Variants in GLI3 observed in about 807,000 individuals in gnomAD.
GLI3 encodes GLI family zinc finger 3.
In GLI3, 20 loss-of-function variants were observed where a neutral mutation model predicts 100.8. That is an observed-to-expected ratio of 0.20 (90% CI 0.14 to 0.29). The LOEUF (loss-of-function observed/expected upper bound fraction) is 0.29, where lower values mean the gene tolerates loss of function less well. GLI3 is among the 10% of genes least tolerant of loss of function. The pLI is 1.00. For missense variants in GLI3, 2,040 were observed against 2,128.5 expected, an observed-to-expected ratio of 0.96 and a Z score of 0.82; for synonymous variants, 938 against 860.5, an observed-to-expected ratio of 1.09 and a Z score of -1.58.
chr7:42,154,082 C>T (rs1001395250), intron 2 of GLI3, among the ~76,000 whole-genome samples: 1 of 150,542 alleles, frequency 6.6e-6, no homozygotes, highest in Non-Finnish European at 1.5e-5. Context: ...ACTACTACCA[C>T]CAGTAAAAAG....
intron 10 of GLI3, among the ~76,000 whole-genome samples, chr7:42,007,157 C>T (rs368356675): frequency 2.0e-5 from 3 of 149,214 alleles, no homozygotes; most frequent in East Asian, 4.0e-4. Flanking sequence ...TATCTTAGCT[C>T]CACCCAGAAC....
intron 11 of GLI3, 164 bp from the exon 12 acceptor site, chr7:41,977,886 T>C: frequency 1.5e-6 from 1 of 682,130 alleles, no homozygotes; most frequent in Non-Finnish European, 2.6e-6. Flanking sequence ...GGGATTCAGA[T>C]GTAGCTTGGT....
chr7:42,255,778 T>A (rs951630542), intron 1 of GLI3, among the ~76,000 whole-genome samples: 1 of 152,234 alleles, frequency 6.6e-6, no homozygotes, highest in Non-Finnish European at 1.5e-5. Flanking sequence ...GACAGTCATA[T>A]AAGTGGCTTT....
chr7:42,026,452 C>T (rs180850589), intron 7 of GLI3, 40 bp from the exon 8 acceptor site: 18 of 1,454,416 alleles, frequency 1.2e-5, no homozygotes, highest in East Asian at 6.8e-5. Context: ...ATCACTTAAA[C>T]GCTGAGCTCA....
chr7:42,069,596 T>C (rs1784746001), intron 4 of GLI3, among the ~76,000 whole-genome samples: 1 of 152,048 alleles, frequency 6.6e-6, no homozygotes, highest in South Asian at 2.1e-4. Context: ...TAGAAAAGCA[T>C]AAAAGTAGAA....
chr7:42,228,284 G>C (rs566896976), intron 1 of GLI3, among the ~76,000 whole-genome samples: 32 of 152,322 alleles, frequency 2.1e-4, no homozygotes, highest in African/African-American at 6.5e-4. Flanking sequence ...GGGGCAGAAG[G>C]GGTGCTCCCA....
At chr7:42,087,454 C>T (rs577522728) in intron 3 of GLI3, among the ~76,000 whole-genome samples, 70 of 152,300 alleles carry the variant, frequency 4.6e-4, no homozygotes, top group Non-Finnish European at 8.5e-4. Flanking sequence ...AGTAAACTCA[C>T]CACCCTACCC....
At chr7:42,121,378 T>C (rs750899298) in intron 3 of GLI3, among the ~76,000 whole-genome samples, 4 of 152,228 alleles carry the variant, frequency 2.6e-5, no homozygotes, top group African/African-American at 4.8e-5. Flanking sequence ...GGACCACATG[T>C]TGATAAATGC....
intron 3 of GLI3, among the ~76,000 whole-genome samples, chr7:42,109,273 A>C (rs1785647442): frequency 6.6e-6 from 1 of 152,216 alleles, no homozygotes; most frequent in African/African-American, 2.4e-5. Flanking sequence ...GGTTCATCAC[A>C]GTCACTACAG....
chr7:42,230,847 G>T (rs947623823), intron 1 of GLI3, among the ~76,000 whole-genome samples: 1 of 152,150 alleles, frequency 6.6e-6, no homozygotes, highest in African/African-American at 2.4e-5. Flanking sequence ...CTTTCTACGG[G>T]GTTAGCTGGA....
intron 2 of GLI3, among the ~76,000 whole-genome samples, chr7:42,218,977 T>TA (rs1467941369): frequency 2.0e-5 from 3 of 152,166 alleles, no homozygotes; most frequent in Non-Finnish European, 2.9e-5. Context: ...AAAAATTTTA[T>TA]AAGAGAATGA....
At chr7:42,040,682 G>GAA (rs1336933082) in intron 6 of GLI3, among the ~76,000 whole-genome samples, 24 of 152,204 alleles carry the variant, frequency 1.6e-4, no homozygotes, top group African/African-American at 5.8e-4. Flanking sequence ...ATGAATTAAA[G>GAA]TATCCTAAGA....
chr7:42,172,892 T>G (rs939955826), intron 2 of GLI3, among the ~76,000 whole-genome samples: 1 of 152,338 alleles, frequency 6.6e-6, no homozygotes, highest in Non-Finnish European at 1.5e-5. Context: ...TTTACAATTA[T>G]GAAAACAGAC....
rs537451390 is a variant in GLI3 at position 42,186,731 on chromosome 7, G to C, written c.124+36399C>G. The stretch of plus-strand genomic sequence containing the variant: ...TCATCTTTGAAAATAATATATCCTA[G>C]ATCTAAATGCCTGAATTTTCAGTTA... On this transcript the variant is annotated intron_variant, in intron 2 of 14. Transcript: ENST00000395925. Among the ~76,000 whole-genome samples the C allele has an allele frequency of 1.6e-3, 243 of 152,298 alleles. 1 individual carries two copies. The highest frequency in any genetic ancestry group is 2.5e-3 in the Non-Finnish European group (173 of 68,022).
chr7:42,045,985 A>G (rs1208246168), intron 5 of GLI3, among the ~76,000 whole-genome samples: 1 of 152,226 alleles, frequency 6.6e-6, no homozygotes, highest in Non-Finnish European at 1.5e-5. Context: ...TCTCACTCAC[A>G]TGAAAAGTCA....
Position 42,023,619 on chromosome 7 carries a change from AG to A in GLI3, c.1357-12del. 1.3e-6 allele frequency: 1 copy of A among 793,784 alleles called. No individual in the cohort carries two copies. The highest frequency in any genetic ancestry group is 2.0e-6 in the Non-Finnish European group (1 of 499,204). 49.2% of individuals were successfully genotyped at this position (793,784 alleles called of 1,614,324 possible). Reference sequence around the variant, plus strand: ...TCCTTCGGGCTGTTCCTGAAAGAAGAGGGTGGGGGGCAGGGAACAGAGAAGG... The same window carrying A: ...TCCTTCGGGCTGTTCCTGAAAGAAGAGGTGGGGGGCAGGGAACAGAGAAGG... On this transcript the variant is annotated splice_polypyrimidine_tract_variant and intron_variant, in intron 9 of 14. Coordinates refer to ENST00000395925, the MANE Select transcript of GLI3 (RefSeq NM_000168.6).
chr7:42,012,832 TG>T (rs756331893), intron 10 of GLI3, among the ~76,000 whole-genome samples: 7 of 152,180 alleles, frequency 4.6e-5, no homozygotes, highest in Non-Finnish European at 8.8e-5. Flanking sequence ...TGCTTTATCT[TG>T]TGGTAGAAAC....
rs1279559578 is a variant in GLI3 at position 42,057,984 on chromosome 7, A to G, written c.474-9288T>C. ...CAGGTGCACTAAAATCTTAGACTTC[A>G]CCACTATACACTTCATCCATGTAAC... On this transcript the variant is annotated intron_variant, in intron 4 of 14. Coordinates refer to ENST00000395925, the MANE Select transcript of GLI3 (RefSeq NM_000168.6). 2.0e-5 allele frequency among the ~76,000 whole-genome samples: 3 copies of G among 152,172 alleles called. No individual in the cohort carries two copies. The East Asian group carries it at 5.8e-4, about 29-fold the overall frequency.
chr7:42,101,922 G>A (rs1216215277), intron 3 of GLI3, among the ~76,000 whole-genome samples: 1 of 143,000 alleles, frequency 7.0e-6, no homozygotes, highest in East Asian at 2.0e-4. Context: ...ACCTATGAGT[G>A]AGAATATGCG....
Sources: gnomAD v4.1 joint callset for allele counts (sites outside exome capture counted in the v4.1 genomes callset) on GRCh38, gnomAD v4.1.1 for gene constraint, MANE v1.5 for transcripts, NCBI Gene and HGNC (gene_info 2026-07-23, HGNC 2026-07-21) for gene names.